Variants in TTN observed in about 807,000 individuals in gnomAD.
The protein encoded by TTN is connectin.
In TTN, 1,525 loss-of-function variants were observed where a neutral mutation model predicts 3,223.0. The ratio of observed to expected loss-of-function variants is 0.47; its 90% CI spans 0.45 to 0.49. TTN has a LOEUF of 0.49. Ranked by LOEUF, TTN falls within the 20% of genes least tolerant of loss-of-function variation. The pLI, the probability that TTN is intolerant of heterozygous loss-of-function variation, is 0.00. For synonymous variants in TTN, 14,094 were observed against 15,161.0 expected (o/e 0.93, Z 5.17); for missense variants, 40,786 against 43,424.0 (o/e 0.94, Z 5.40).
chr2:178,572,232 A>G lies in TTN; in HGVS notation c.73900T>C (p.Ser24634Pro), dbSNP rs1387907795. Residue 24634 changes from serine to proline, a missense_variant, in exon 326 of 363, where the codon TCA (serine) becomes CCA (proline). By Grantham distance (74) the Ser-to-Pro change is moderately conservative (BLOSUM62 -1). Coordinates refer to ENST00000589042, the MANE Select transcript of TTN (RefSeq NM_001267550.2). Reference protein sequence around the residue: ...TLMDVTRNSVSLSWEKPEHDG... With the variant: ...TLMDVTRNSVPLSWEKPEHDG... ...TGCTCTGGTTTCTCCCAAGAGAGTG[A>G]CACACTATTTCTTGTGACATCCATC... 1 of 1,613,388 alleles carries G rather than the reference A, an allele frequency of 6.2e-7. No individual in the cohort carries two copies. Among genetic ancestry groups the G allele is most frequent in the Non-Finnish European group, 8.5e-7 (1 of 1,179,590 alleles).
intron 38 of TTN, 93 bp downstream of exon 38, chr2:178,768,580 A>G (rs1574538105): frequency 2.5e-6 from 4 of 1,572,410 alleles, no homozygotes; most frequent in Non-Finnish European, 3.5e-6. Context: ...TGGCTATCCC[A>G]CATTTTATTT....
At position 178,566,690 on chromosome 2, in the gene TTN, G is replaced by C; in HGVS notation, c.79442C>G (p.Ala26481Gly). ...GCCAGGTTTGAACACAGGATCACAG[G>C]CTTTATAATAAACTGTAGCTGGACT... ...EPSPATVYYKACDPVFKPGPP... is the reference protein window; with the variant it reads ...EPSPATVYYKGCDPVFKPGPP... The change falls in exon 326 of 363, where the codon GCC becomes GGC. Residue 26481 changes from alanine (A) to glycine (G), a missense_variant. By Grantham distance (60) the Ala-to-Gly change is moderately conservative. Coordinates refer to ENST00000589042, the MANE Select transcript of TTN (RefSeq NM_001267550.2). 1 of 1,613,286 alleles carries C rather than the reference G, an allele frequency of 6.2e-7. No homozygotes were observed. Among genetic ancestry groups the C allele is most frequent in the Non-Finnish European group, 8.5e-7 (1 of 1,179,674 alleles).
Position 178,588,790 on chromosome 2 carries a change from C to T in TTN, c.62935G>A (p.Glu20979Lys). ...GGTGGATTCCAAACCACAGTCATCTCTTCTTTGCTTACTTTAGTGACTTCT... is the reference window on the plus strand; with the variant it reads ...GGTGGATTCCAAACCACAGTCATCTTTTCTTTGCTTACTTTAGTGACTTCT... ...PPEVTKVSKE[E>K]MTVVWNPPEY... Residue 20979 changes from glutamate to lysine, a missense_variant, in exon 304 of 363, where the codon GAG becomes AAG. Coordinates refer to ENST00000589042, the MANE Select transcript of TTN (RefSeq NM_001267550.2). 6.2e-7 allele frequency: 1 copy of T among 1,612,860 alleles called. No individual in the cohort carries two copies. The highest frequency in any genetic ancestry group is 8.5e-7 in the Non-Finnish European group (1 of 1,179,166).
At position 178,722,131 on chromosome 2, in the gene TTN, G is replaced by T. The variant is rs780527520; in HGVS notation, c.22532C>A (p.Pro7511His). 1.3e-6 allele frequency: 2 copies of T among 1,548,224 alleles called. No individual in the cohort carries two copies. Among genetic ancestry groups the T allele is most frequent in the Admixed American group, 4.1e-5 (2 of 48,486 alleles). Reference protein sequence around the residue: ...SSSARLTAREPKKSPFFDIKP... With the variant: ...SSSARLTAREHKKSPFFDIKP... Reference sequence around the variant, plus strand: ...GATGTCAAAGAAGGGAGATTTCTTGGGTTCTGGAGGATGAGAAGAAAGGCA... The same window carrying T: ...GATGTCAAAGAAGGGAGATTTCTTGTGTTCTGGAGGATGAGAAGAAAGGCA... Residue 7511 changes from proline to histidine, a missense_variant, in exon 78 of 363, where the codon CCC becomes CAC. Transcript: ENST00000589042.
Position 178,775,224 on chromosome 2 carries a change from A to G in TTN, c.6509-22T>C, listed in dbSNP as rs758213247. 3.7e-6 allele frequency: 6 copies of G among 1,613,630 alleles called. No homozygotes were observed. In the South Asian group the frequency reaches 5.5e-5, roughly 15 times the overall value. ...TTGGCTACAAGAAAAAGGTGGGGGA[A>G]AAAGGGGAGAGCACATTATATTAAA... On this transcript the variant is annotated intron_variant, in intron 28 of 362. Coordinates refer to ENST00000589042, the MANE Select transcript of TTN (RefSeq NM_001267550.2).
chr2:178,599,411 A>ATCTTT lies in TTN; in HGVS notation c.56381_56382insAAAGA (p.Phe18794LeufsTer11). The ATCTTT allele has an allele frequency of 6.4e-7, 1 of 1,559,288 alleles. No individual in the cohort carries two copies. The highest frequency in any genetic ancestry group is 1.2e-5 in the South Asian group (1 of 80,190). The stretch of plus-strand genomic sequence containing the variant: ...TCATTTGATCTGCTGAAACAGATTC[A>ATCTTT]AATTTTATGGGTCCCACTGGAGGGC... On this transcript the variant is annotated frameshift_variant, in exon 290 of 363. Transcript: ENST00000589042. LOFTEE classifies it high-confidence loss of function.
intron 112 of TTN, 74 bp from the exon 113 acceptor site, chr2:178,697,242 C>A: frequency 8.0e-7 from 1 of 1,254,688 alleles, no homozygotes; most frequent in Non-Finnish European, 1.1e-6. Context: ...TAATCCTCCA[C>A]ATCATTGTTA....
At position 178,722,033 on chromosome 2, in the gene TTN, T is replaced by A. The variant is rs2078457617; in HGVS notation, c.22630A>T (p.Met7544Leu). Reference protein sequence around the residue: ...FECHVTGAQPMRITWSKDNKE... With the variant: ...FECHVTGAQPLRITWSKDNKE... ...TTATCTTTTGACCAAGTGATTCGCA[T>A]CGGTTGAGCACCAGTAACATGACAC... is the stretch of plus-strand genomic sequence containing the variant. The change falls in exon 78 of 363, where the codon ATG (methionine) becomes TTG (leucine). Residue 7544 changes from methionine (M) to leucine (L), a missense_variant. By Grantham distance (15) the Met-to-Leu change is conservative (BLOSUM62 2). Coordinates refer to ENST00000589042, the MANE Select transcript of TTN (RefSeq NM_001267550.2). 3.7e-6 allele frequency: 6 copies of A among 1,613,396 alleles called. No homozygotes were observed. In the Admixed American group the frequency reaches 6.7e-5, roughly 18 times the overall value.
intron 227 of TTN, 21 bp from the exon 228 acceptor site, chr2:178,635,325 G>GTAACA (rs2060301701): frequency 1.2e-6 from 2 of 1,612,034 alleles, no homozygotes; most frequent in Non-Finnish European, 8.5e-7. Flanking sequence ...CAGGGATGAA[G>GTAACA]TAACATAATG....
At chr2:178,795,605 C>T (rs2093726834) in intron 6 of TTN, among the ~76,000 whole-genome samples, 3 of 151,794 alleles carry the variant, frequency 2.0e-5, no homozygotes, top group Admixed American at 2.0e-4. Context: ...CTCTGTATTC[C>T]AAATTCATCT....
In TTN at chr2:178,653,328, A is replaced by G; in HGVS notation, c.38708-7T>C. On this transcript the variant is annotated splice_polypyrimidine_tract_variant and splice_region_variant and intron_variant, in intron 197 of 362. Coordinates refer to ENST00000589042, the MANE Select transcript of TTN (RefSeq NM_001267550.2). ...TCTTTGGGAGCCTCTGGCACTTAAA[A>G]GATATTAGTAAAGTTACATGTAGAG... 2.5e-6 allele frequency: 4 copies of G among 1,611,932 alleles called. No individual in the cohort carries two copies. Among genetic ancestry groups the G allele is most frequent in the Non-Finnish European group, 3.4e-6 (4 of 1,179,518 alleles).
rs759128616 is a variant in TTN at position 178,593,944 on chromosome 2, C to T, written c.58432+17G>A. 1.2e-5 allele frequency: 19 copies of T among 1,611,468 alleles called. No individual in the cohort carries two copies. The highest frequency in any genetic ancestry group is 1.6e-4 in the Middle Eastern group (1 of 6,068). On this transcript the variant is annotated intron_variant, in intron 297 of 362. Coordinates refer to ENST00000589042, the MANE Select transcript of TTN (RefSeq NM_001267550.2). ...GAAAGAACAGAAGATCTATTCTTTC[C>T]ACTAAATAAGACTTACCAACAACAT...
intron 242 of TTN, 120 bp from the exon 243 acceptor site, chr2:178,622,887 CAACTG>C: frequency 1.3e-6 from 1 of 770,934 alleles, no homozygotes. Context: ...TAATAGACTA[CAACTG>C]ACTTTGAAAT....
In TTN at chr2:178,586,789, C is replaced by G; in HGVS notation, c.64112G>C (p.Arg21371Thr). ...GGTCATTTCAGTCACTTCTAATTTC[C>G]TTGGGGGATCCGGCTCACCTAGAAG... is the stretch of plus-strand genomic sequence containing the variant. Reference protein sequence around the residue: ...SDPLSEPDPPRKLEVTEMTKN... With the variant: ...SDPLSEPDPPTKLEVTEMTKN... The change falls in exon 308 of 363, where the codon AGG (arginine) becomes ACG (threonine). Residue 21371 changes from arginine (R) to threonine (T), a missense_variant. Transcript: ENST00000589042. 6.2e-7 allele frequency: 1 copy of G among 1,612,132 alleles called. No individual in the cohort carries two copies. The highest frequency in any genetic ancestry group is 8.5e-7 in the Non-Finnish European group (1 of 1,179,082).
At position 178,712,468 on chromosome 2, in the gene TTN, C is replaced by T. The variant is rs548808954; in HGVS notation, c.27454G>A (p.Val9152Ile). Reference sequence around the variant, plus strand: ...ATATTACACCTCTGAGAAGGAGTTACATTTATGCCATTTTTCTTCCAGGTA... The same window carrying T: ...ATATTACACCTCTGAGAAGGAGTTATATTTATGCCATTTTTCTTCCAGGTA... ...SVTWKKNGIN[V>I]TPSQRCNITT... Residue 9152 changes from valine to isoleucine, a missense_variant, in exon 95 of 363, where the codon GTA becomes ATA. Transcript: ENST00000589042. 1.9e-6 allele frequency: 3 copies of T among 1,613,746 alleles called. No homozygotes were observed. Among genetic ancestry groups the T allele is most frequent in the Admixed American group, 1.7e-5 (1 of 59,986 alleles).
intron 165 of TTN, 84 bp downstream of exon 165, chr2:178,665,293 A>G (rs2065724973): frequency 1.6e-6 from 2 of 1,255,894 alleles, no homozygotes; most frequent in East Asian, 2.3e-5. Context: ...TTTAGAATTT[A>G]TGAAGAGTAT....
At chr2:178,730,830 C>A in intron 60 of TTN, 38 bp from the exon 61 acceptor site, 2 of 1,537,558 alleles carry the variant, frequency 1.3e-6, no homozygotes, top group South Asian at 1.3e-5. Flanking sequence ...AAAAAAAGGT[C>A]AATCTACTAA....
chr2:178,651,517 C>T lies in TTN; in HGVS notation c.39483G>A (p.Glu13161=). ...GAGGCACCTTCTTTTCAGGAACAACCTCCTTGGGCACCTCGGGCACTATAA... is the reference window on the plus strand; with the variant it reads ...GAGGCACCTTCTTTTCAGGAACAACTTCCTTGGGCACCTCGGGCACTATAA... ...PPVKVPEVPK[E]VVPEKKVPLV... The change falls in exon 207 of 363, where the codon GAG becomes GAA. Residue 13161 remains glutamate, a synonymous_variant. Transcript: ENST00000589042. The T allele has an allele frequency of 1.2e-6, 2 of 1,612,802 alleles. No individual in the cohort carries two copies. The highest frequency in any genetic ancestry group is 1.3e-5 in the African/African-American group (1 of 74,932).
In TTN at chr2:178,620,850, T is replaced by A. The variant is rs72677226; in HGVS notation, c.45760A>T (p.Ile15254Phe). The stretch of plus-strand genomic sequence containing the variant: ...TAGACTAGGTCTTTTTGGAGAATGA[T>A]GTATTTTGAACTATCAAATATAGCT... ...EEAIFDSSKY[I>F]ILQKDLVYTL... The change falls in exon 247 of 363, where the codon ATC becomes TTC. Residue 15254 changes from isoleucine to phenylalanine, a missense_variant. By Grantham distance (21) the Ile-to-Phe change is conservative. Coordinates refer to ENST00000589042, the MANE Select transcript of TTN (RefSeq NM_001267550.2). 40 of 1,612,542 alleles carry A rather than the reference T, an allele frequency of 2.5e-5. No individual in the cohort carries two copies. The Admixed American group carries it at 5.8e-4, about 24-fold the overall frequency.
Sources: allele counts gnomAD v4.1 joint callset (sites outside exome capture counted in the v4.1 genomes callset), GRCh38; gene constraint gnomAD v4.1.1; transcripts MANE v1.5; gene names NCBI Gene and HGNC (gene_info 2026-07-23, HGNC 2026-07-21).